Variants in DNER observed in about 807,000 individuals in gnomAD.
DNER encodes the protein delta/notch like EGF repeat containing, also known as delta and Notch-like epidermal growth factor-related receptor.
A neutral mutation model predicts 78.2 loss-of-function variants in DNER; 33 were observed. That is an observed-to-expected ratio of 0.42 (90% CI 0.32 to 0.56). The LOEUF (loss-of-function observed/expected upper bound fraction) is 0.56, where lower values mean the gene tolerates loss of function less well. Ranked by LOEUF, DNER falls within the 20% of genes least tolerant of loss-of-function variation. The probability of loss-of-function intolerance (pLI) is 0.11; values close to 1 mark genes in which losing one functional copy is unlikely to be tolerated. For missense variants in DNER, 918 were observed against 975.3 expected (o/e 0.94, Z 0.78); for synonymous variants, 417 against 384.8 (o/e 1.08, Z -0.98).
intron 1 of DNER, among the ~76,000 whole-genome samples, chr2:229,670,833 C>T (rs566584621): frequency 3.9e-5 from 6 of 152,278 alleles, no homozygotes; most frequent in African/African-American, 1.4e-4. Context: ...TTTTATTTTA[C>T]TTATTTGCAA....
intron 12 of DNER, among the ~76,000 whole-genome samples, chr2:229,366,521 G>A (rs1468601675): frequency 1.3e-5 from 2 of 152,092 alleles, no homozygotes; most frequent in Non-Finnish European, 2.9e-5. Flanking sequence ...TTTATATGTT[G>A]ACTGTTTGAA....
intron 4 of DNER, among the ~76,000 whole-genome samples, chr2:229,554,893 AAGAGAAG>A (rs1178609229): frequency 1.1e-5 from 1 of 92,794 alleles, no homozygotes; most frequent in Non-Finnish European, 2.3e-5. Flanking sequence ...AAGAGAAGAG[AAGAGAAG>A]AGAAGAGAAG....
intron 1 of DNER, among the ~76,000 whole-genome samples, chr2:229,657,115 C>T (rs758656737): frequency 2.6e-5 from 4 of 152,030 alleles, no homozygotes; most frequent in Non-Finnish European, 4.4e-5. Context: ...AGAACTTATT[C>T]ATCTTAAAAC....
At chr2:229,437,112 C>T (rs181086793) in intron 8 of DNER, among the ~76,000 whole-genome samples, 3 of 152,234 alleles carry the variant, frequency 2.0e-5, no homozygotes, top group African/African-American at 7.2e-5. Context: ...ATCTACCAAA[C>T]AAACAGAAAA....
chr2:229,589,081 T>C (rs1697553821), intron 2 of DNER, among the ~76,000 whole-genome samples: 1 of 152,250 alleles, frequency 6.6e-6, no homozygotes, highest in Non-Finnish European at 1.5e-5. Flanking sequence ...GTATATTTTT[T>C]TAAAAAGGAG....
chr2:229,510,646 G>A lies in DNER; in HGVS notation c.1147+2137C>T, dbSNP rs115899075. Among the ~76,000 whole-genome samples, 495 of 152,316 alleles carry A rather than the reference G, an allele frequency of 3.2e-3. 2 individuals carry two copies. The highest frequency in any genetic ancestry group is 5.4e-3 in the Admixed American group (83 of 15,310). ...TCTGGCTTCTAGAAATGGATGGAAC[G>A]CTGGAAGACGAGCTGTGTAGGGCTG... On this transcript the variant is annotated intron_variant, in intron 6 of 12. Transcript: ENST00000341772.
chr2:229,679,635 A>G (rs1312735247), intron 1 of DNER, among the ~76,000 whole-genome samples: 1 of 152,218 alleles, frequency 6.6e-6, no homozygotes, highest in East Asian at 1.9e-4. Flanking sequence ...TCATCTCAGT[A>G]GAAATATCAA....
At chr2:229,520,420 C>T (rs1461592664) in intron 5 of DNER, among the ~76,000 whole-genome samples, 2 of 152,178 alleles carry the variant, frequency 1.3e-5, no homozygotes, top group Non-Finnish European at 2.9e-5. Flanking sequence ...ACCCCCCAGG[C>T]CAATTTTGAT....
chr2:229,527,762 G>A (rs1327215747), intron 5 of DNER, among the ~76,000 whole-genome samples: 1 of 152,064 alleles, frequency 6.6e-6, no homozygotes, highest in African/African-American at 2.4e-5. Context: ...TATTACTCCT[G>A]GCTGGTAAAT....
At chr2:229,362,392 G>C (rs1466645304) in intron 12 of DNER, among the ~76,000 whole-genome samples, 1 of 152,196 alleles carries the variant, frequency 6.6e-6, no homozygotes, top group South Asian at 2.1e-4. Context: ...CTTCATGCAT[G>C]TGACGACCCC....
chr2:229,370,854 CTTCATAGCA>C (rs1452699625), intron 11 of DNER, among the ~76,000 whole-genome samples: 1 of 152,182 alleles, frequency 6.6e-6, no homozygotes, highest in Non-Finnish European at 1.5e-5. Flanking sequence ...TACGCATAAG[CTTCATAGCA>C]TTAACCTACA....
chr2:229,547,376 C>T (rs758058923), intron 4 of DNER, among the ~76,000 whole-genome samples: 5 of 152,220 alleles, frequency 3.3e-5, no homozygotes, highest in Non-Finnish European at 7.3e-5. Context: ...CAGATCCTTT[C>T]GCTTTGCTCC....
chr2:229,379,725 G>A (rs1465069894), intron 11 of DNER, among the ~76,000 whole-genome samples: 1 of 152,124 alleles, frequency 6.6e-6, no homozygotes, highest in Non-Finnish European at 1.5e-5. Flanking sequence ...AGTAAACTGA[G>A]GCTCAGCACA....
At chr2:229,429,239 G>C (rs895162476) in intron 8 of DNER, among the ~76,000 whole-genome samples, 3 of 152,182 alleles carry the variant, frequency 2.0e-5, no homozygotes, top group African/African-American at 7.2e-5. Context: ...AAATGTATTT[G>C]ATGCTATTTT....
At chr2:229,489,368 C>T (rs1227317234) in intron 6 of DNER, among the ~76,000 whole-genome samples, 1 of 152,152 alleles carries the variant, frequency 6.6e-6, no homozygotes, top group Non-Finnish European at 1.5e-5. Flanking sequence ...GCCGAGCTTC[C>T]AGCCCAAGTG....
At chr2:229,364,877 GTC>G (rs1371002238) in intron 12 of DNER, among the ~76,000 whole-genome samples, 1 of 109,268 alleles carries the variant, frequency 9.2e-6, no homozygotes, top group Non-Finnish European at 1.7e-5. Context: ...TTTAGGTAGA[GTC>G]TTGCTCTGTC....
At chr2:229,369,488 A>T (rs1478603857) in intron 11 of DNER, among the ~76,000 whole-genome samples, 1 of 152,140 alleles carries the variant, frequency 6.6e-6, no homozygotes, top group Non-Finnish European at 1.5e-5. Flanking sequence ...AAGTTAAAAA[A>T]AAAAAGTTTC....
intron 8 of DNER, among the ~76,000 whole-genome samples, chr2:229,445,203 T>C (rs1302022950): frequency 2.0e-5 from 3 of 152,046 alleles, no homozygotes; most frequent in Non-Finnish European, 4.4e-5. Flanking sequence ...ACATTCCCAA[T>C]AGGTAAGGGC....
chr2:229,400,819 C>T (rs1404381990), intron 10 of DNER, among the ~76,000 whole-genome samples: 1 of 152,030 alleles, frequency 6.6e-6, no homozygotes, highest in African/African-American at 2.4e-5. Flanking sequence ...GTGTGGACTA[C>T]ACAACACTTT....
Sources: gnomAD v4.1 joint callset for allele counts (sites outside exome capture counted in the v4.1 genomes callset) on GRCh38, gnomAD v4.1.1 for gene constraint, MANE v1.5 for transcripts, NCBI Gene and HGNC (gene_info 2026-07-23, HGNC 2026-07-21) for gene names.